The following SLIT1 variants were observed in gnomAD, a reference collection of about 807,000 sequenced individuals.
SLIT1 encodes the protein slit guidance ligand 1.
In SLIT1, 66 loss-of-function variants were observed where a neutral mutation model predicts 186.1. The observed-to-expected ratio is 0.35, with a 90% CI of 0.29 to 0.44. The LOEUF is 0.44. Ranked by LOEUF, SLIT1 falls within the 20% of genes least tolerant of loss-of-function variation. The pLI, the probability that SLIT1 is intolerant of heterozygous loss-of-function variation, is 1.00. For synonymous variants in SLIT1, 761 were observed against 833.8 expected (o/e 0.91, Z 1.50); for missense variants, 1,638 against 2,037.4 (o/e 0.80, Z 3.77).
chr10:97,024,655 A>C (rs1319539507), intron 25 of SLIT1, among the ~76,000 whole-genome samples: 1 of 152,226 alleles, frequency 6.6e-6, no homozygotes, highest in African/African-American at 2.4e-5. Flanking sequence ...GTTTACACTC[A>C]CCAGATTAGT....
At position 97,057,193 on chromosome 10, in the gene SLIT1, C is replaced by A. The variant is rs1408637861; in HGVS notation, c.1157+17G>T. 5 of 1,610,470 alleles carry A rather than the reference C, an allele frequency of 3.1e-6. No homozygotes were observed. In the African/African-American group the frequency reaches 6.7e-5, roughly 22 times the overall value. ...CTTCCCTGGGTCCCACCCAAGACAC[C>A]CAGGATTCGTTCTTACAGGAGCTGT... On this transcript the variant is annotated intron_variant, in intron 12 of 36. Coordinates refer to ENST00000266058, the MANE Select transcript of SLIT1 (RefSeq NM_003061.3).
rs1848871512 is a variant in SLIT1, at chr10:97,059,475, C to T, written c.1070G>A (p.Arg357His). 2 of 1,613,482 alleles carry T rather than the reference C, an allele frequency of 1.2e-6. No homozygotes were observed. Among genetic ancestry groups the T allele is most frequent in the Non-Finnish European group, 1.7e-6 (2 of 1,179,858 alleles). ...TGCTACTCACAGCGAGTTCAGGGAG[C>T]GGAGGCCCTGGAAGGCGTCGGGTGC... ...EIAPDAFQGLRSLNSLVLYGN... is the reference protein window; with the variant it reads ...EIAPDAFQGLHSLNSLVLYGN... Residue 357 changes from arginine (R) to histidine (H), a missense_variant, in exon 11 of 37, where the codon CGC becomes CAC. Arg to His is a conservative substitution (Grantham distance 29). Transcript: ENST00000266058.
intron 2 of SLIT1, among the ~76,000 whole-genome samples, chr10:97,164,061 C>T (rs941901041): frequency 1.3e-5 from 2 of 152,244 alleles, no homozygotes; most frequent in Non-Finnish European, 2.9e-5. Flanking sequence ...GCCAACTGAA[C>T]CACCTGGCTC....
chr10:97,010,843 G>A lies in SLIT1; in HGVS notation c.3341+150C>T. On this transcript the variant is annotated intron_variant, in intron 31 of 36. Transcript: ENST00000266058. This position sits in a 1 kb window ranked among gnomAD's most constrained non-coding sequence, Gnocchi z 4.8. ...ATGACTTTCCCAAGGCTGCACAGCT[G>A]GTGACTGGCAGAGCCACGGTTAAAA... is the stretch of plus-strand genomic sequence containing the variant. The A allele has an allele frequency of 2.8e-6, 2 of 707,082 alleles. No individual in the cohort carries two copies. The highest frequency in any genetic ancestry group is 1.9e-5 in the South Asian group (1 of 52,998). The allele number at this position is 707,082 out of a possible 1,614,324, so 43.8% of individuals were successfully genotyped here.
rs973290615 is a variant in SLIT1 at position 97,064,217 on chromosome 10, T to A, written c.580A>T (p.Thr194Ser). 3.5e-5 allele frequency: 56 copies of A among 1,613,222 alleles called. No homozygotes were observed. The highest frequency in any genetic ancestry group is 4.7e-5 in the Non-Finnish European group (55 of 1,179,770). Residue 194 changes from threonine to serine, a missense_variant, in exon 7 of 37, where the codon ACC becomes TCC. Thr to Ser is a moderately conservative substitution (Grantham distance 58). Transcript: ENST00000266058. ...TTGAAGCTGGACACGGGGATGGTGG[T>A]GATATTGTTGTTGTTCAGGGTCCTA... ...EVLTLNNNNI[T>S]TIPVSSFNHM...
At chr10:97,080,313 CT>C (rs1849090741) in intron 4 of SLIT1, among the ~76,000 whole-genome samples, 1 of 152,168 alleles carries the variant, frequency 6.6e-6, no homozygotes, top group South Asian at 2.1e-4. Flanking sequence ...AAGGAGCTCC[CT>C]GCTACCCCCT....
At chr10:97,067,670 T>C (rs2805596) in intron 4 of SLIT1, among the ~76,000 whole-genome samples, 103,123 of 152,026 alleles carry the variant, frequency 0.68, 35,489 homozygotes, top group East Asian at 0.83. Flanking sequence ...AGCTGAGCTC[T>C]GAGATGTGAA....
intron 36 of SLIT1, among the ~76,000 whole-genome samples, chr10:97,001,619 C>T (rs950628984): frequency 3.3e-5 from 5 of 152,062 alleles, no homozygotes; most frequent in Admixed American, 2.6e-4. Context: ...TTGCTAGAGG[C>T]GTGCAAGAGA....
chr10:97,147,716 C>T (rs1355942306), intron 4 of SLIT1, among the ~76,000 whole-genome samples: 2 of 152,136 alleles, frequency 1.3e-5, no homozygotes, highest in East Asian at 3.9e-4. Context: ...TACTCCATGG[C>T]TTCCTCTTCC....
At chr10:97,148,738 A>T (rs1232473562) in intron 4 of SLIT1, among the ~76,000 whole-genome samples, 1 of 152,148 alleles carries the variant, frequency 6.6e-6, no homozygotes, top group East Asian at 1.9e-4. Context: ...TTATTTTAAA[A>T]TCGTATGCTT....
chr10:97,163,450 G>A lies in SLIT1; in HGVS notation c.271C>T (p.Gln91Ter). ...FAGLKQLRVL[Q>*]LMENQIGAVE... ...GCTCCAATCTGGTTCTCCATCAGCTGCCTGGGGAAGCAAAGAGACAAGGAC... is the reference window on the plus strand; with the variant it reads ...GCTCCAATCTGGTTCTCCATCAGCTACCTGGGGAAGCAAAGAGACAAGGAC... The change falls in exon 3 of 37, where the codon CAG (glutamine) becomes TAG (stop). Residue 91 changes from glutamine to a stop codon, truncating the protein, a stop_gained and splice_region_variant. Transcript: ENST00000266058. LOFTEE classifies it high-confidence loss of function. 1 of 1,613,976 alleles carries A rather than the reference G, an allele frequency of 6.2e-7. No homozygotes were observed. Among genetic ancestry groups the A allele is most frequent in the Non-Finnish European group, 8.5e-7 (1 of 1,179,818 alleles).
chr10:97,004,144 A>G lies in SLIT1; in HGVS notation c.3789T>C (p.Asp1263=), dbSNP rs1848337920. 1 of 1,613,960 alleles carries G rather than the reference A, an allele frequency of 6.2e-7. No homozygotes were observed. The highest frequency in any genetic ancestry group is 8.5e-7 in the Non-Finnish European group (1 of 1,179,810). Residue 1263 remains aspartate (D), a synonymous_variant, in exon 34 of 37, where the codon GAT becomes GAC. Transcript: ENST00000266058. This position sits in a 1 kb window ranked among gnomAD's most constrained non-coding sequence, Gnocchi z 5.1. ...AFDQMVNLSI[D]GGSPMTMDNF... is the part of the protein sequence containing the mutation. ...TGTCCATGGTCATGGGGCTCCCGCC[A>G]TCAATGGAGAGATTCACCATCTGGT...
intron 1 of SLIT1, among the ~76,000 whole-genome samples, chr10:97,173,715 G>A (rs1487092532): frequency 1.3e-5 from 2 of 152,092 alleles, no homozygotes; most frequent in African/African-American, 4.8e-5. Context: ...GGTTGATGGG[G>A]AAGGAGGGGG....
intron 4 of SLIT1, among the ~76,000 whole-genome samples, chr10:97,131,762 C>T (rs1187288523): frequency 6.6e-6 from 1 of 152,226 alleles, no homozygotes; most frequent in African/African-American, 2.4e-5. Flanking sequence ...ATGATAATAA[C>T]AGCCACAAAC....
chr10:97,038,734 G>A (rs1378992422), intron 21 of SLIT1, among the ~76,000 whole-genome samples: 1 of 152,092 alleles, frequency 6.6e-6, no homozygotes, highest in Non-Finnish European at 1.5e-5. Flanking sequence ...CCCCAGAGAG[G>A]AGCAAAAGGA....
In SLIT1 at chr10:97,157,873, G is replaced by T. The variant is rs757986606; in HGVS notation, c.358C>A (p.Gln120Lys). ...ELERLRLNRN[Q>K]LHMLPELLFQ... ...AGCAGTTCCGGTAACATGTGCAGCT[G>T]GTTTCGGTTCAGTCGCCTATAAAAG... The change falls in exon 4 of 37, where the codon CAG (glutamine) becomes AAG (lysine). Residue 120 changes from glutamine (Q) to lysine (K), a missense_variant. Coordinates refer to ENST00000266058, the MANE Select transcript of SLIT1 (RefSeq NM_003061.3). The T allele has an allele frequency of 1.2e-6, 2 of 1,613,860 alleles. No individual in the cohort carries two copies. The highest frequency in any genetic ancestry group is 2.2e-5 in the South Asian group (2 of 91,072).
chr10:97,161,663 A>T (rs371077389), intron 3 of SLIT1, among the ~76,000 whole-genome samples: 6 of 152,164 alleles, frequency 3.9e-5, no homozygotes, highest in East Asian at 1.9e-4. Context: ...CTGTAATCCC[A>T]GCTACTCAGG....
intron 1 of SLIT1, 73 bp from the exon 2 acceptor site, chr10:97,164,963 G>A (rs956292734): frequency 4.3e-6 from 5 of 1,163,240 alleles, no homozygotes; most frequent in Non-Finnish European, 6.5e-6. Flanking sequence ...CCTGCTCCAG[G>A]TGCCCTCCCC....
chr10:97,052,851 TGGA>T (rs1848802078), intron 13 of SLIT1, among the ~76,000 whole-genome samples: 3 of 152,216 alleles, frequency 2.0e-5, no homozygotes, highest in Admixed American at 1.3e-4. Flanking sequence ...GATAGTACCT[TGGA>T]TTTCTATTTC....
Sources: gnomAD v4.1 joint callset for allele counts (sites outside exome capture counted in the v4.1 genomes callset) on GRCh38, gnomAD v4.1.1 for gene constraint, Gnocchi (gnomAD v3.1) non-coding constraint, MANE v1.5 for transcripts, NCBI Gene and HGNC (gene_info 2026-07-23, HGNC 2026-07-21) for gene names.